The following SUCLG1 variants were observed in gnomAD, a reference collection of about 807,000 sequenced individuals.
SUCLG1 encodes succinate-CoA ligase GDP/ADP-forming subunit alpha.
Under a neutral mutation model 37.3 loss-of-function variants are expected in SUCLG1, and 26 were observed. The ratio of observed to expected loss-of-function variants is 0.70; its 90% CI spans 0.51 to 0.97. The LOEUF is 0.97. Among genes scored for constraint, SUCLG1 ranks in the 50% least tolerant of loss-of-function variants. The probability of loss-of-function intolerance (pLI) is 0.00; values close to 1 mark genes in which losing one functional copy is unlikely to be tolerated. For missense variants in SUCLG1, 433 were observed against 432.9 expected (o/e 1.00, Z 0.00); for synonymous variants, 163 against 155.6 (o/e 1.05, Z -0.36).
At chr2:84,443,144 C>A in intron 3 of SUCLG1, 140 bp downstream of exon 3, 2 of 804,902 alleles carry the variant, frequency 2.5e-6, no homozygotes, top group Non-Finnish European at 4.4e-6. Flanking sequence ...GTTTTGATGG[C>A]AATTCAAATT....
chr2:84,428,378 A>C (rs1302128854), intron 7 of SUCLG1, among the ~76,000 whole-genome samples: 1 of 152,172 alleles, frequency 6.6e-6, no homozygotes, highest in Non-Finnish European at 1.5e-5. Flanking sequence ...CTGAACACAG[A>C]GGTTATATTT....
intron 2 of SUCLG1, among the ~76,000 whole-genome samples, chr2:84,446,696 A>AAAGGAAGG (rs1164637652): frequency 6.6e-6 from 1 of 152,160 alleles, no homozygotes; most frequent in African/African-American, 2.4e-5. Context: ...AACAACAAAA[A>AAAGGAAGG]AAGGAAGGAA....
chr2:84,448,197 ACAAAAAG>A (rs1382451771), intron 2 of SUCLG1, among the ~76,000 whole-genome samples: 1 of 151,538 alleles, frequency 6.6e-6, no homozygotes, highest in African/African-American at 2.4e-5. Context: ...AAAACAAAAA[ACAAAAAG>A]CAAAAGGACC....
At chr2:84,426,982 A>T (rs7571828) in intron 7 of SUCLG1, 8,111 of 153,714 alleles carry the variant, frequency 0.053, 471 homozygotes, top group African/African-American at 0.14. Context: ...AAATTAAAAC[A>T]AATTTTATAA....
intron 2 of SUCLG1, among the ~76,000 whole-genome samples, chr2:84,446,379 T>C (rs749827881): frequency 6.6e-5 from 10 of 152,186 alleles, no homozygotes; most frequent in Non-Finnish European, 1.2e-4. Context: ...ATTCAATAAA[T>C]AGCTGTTGAA....
chr2:84,444,859 A>C (rs1022839779), intron 2 of SUCLG1, among the ~76,000 whole-genome samples: 17 of 152,160 alleles, frequency 1.1e-4, no homozygotes, highest in Non-Finnish European at 2.4e-4. Flanking sequence ...TTTGCTTTTG[A>C]AAAAATATGG....
chr2:84,441,608 A>T, intron 3 of SUCLG1, 149 bp from the exon 4 acceptor site: 1 of 909,658 alleles, frequency 1.1e-6, no homozygotes, highest in Non-Finnish European at 1.7e-6. Context: ...AATTTGCTAC[A>T]CTGTCAGAGT....
intron 2 of SUCLG1, among the ~76,000 whole-genome samples, chr2:84,449,421 C>G (rs540460718): frequency 6.6e-5 from 10 of 152,120 alleles, no homozygotes; most frequent in Non-Finnish European, 1.3e-4. Flanking sequence ...AAACAATATA[C>G]TCCTAGTAAG....
At chr2:84,445,310 C>T (rs73942660) in intron 2 of SUCLG1, among the ~76,000 whole-genome samples, 1,723 of 152,234 alleles carry the variant, frequency 0.011, 31 homozygotes, top group African/African-American at 0.038. Context: ...CCTGACTTCC[C>T]GCAACACCTT....
At position 84,423,790 on chromosome 2, in the gene SUCLG1, A is replaced by T. The variant is rs961127893; in HGVS notation, c.1015-18T>A. On this transcript the variant is annotated intron_variant, in intron 8 of 8. Coordinates refer to ENST00000393868, the MANE Select transcript of SUCLG1 (RefSeq NM_003849.4). The stretch of plus-strand genomic sequence containing the variant: ...TCAAATTCCTTCAGAAACAGAAGAG[A>T]GAGAGAAGAGAGATGGAATGAATAA... 94 of 1,602,362 alleles carry T rather than the reference A, an allele frequency of 5.9e-5. No individual in the cohort carries two copies. The highest frequency in any genetic ancestry group is 7.7e-5 in the Non-Finnish European group (90 of 1,174,098).
chr2:84,436,037 G>A (rs1573366789), intron 5 of SUCLG1, among the ~76,000 whole-genome samples: 1 of 152,190 alleles, frequency 6.6e-6, no homozygotes, highest in Admixed American at 6.5e-5. Context: ...AGTTCTTGCA[G>A]TACAATTCCA....
chr2:84,456,396 G>A lies in SUCLG1; in HGVS notation c.97+2777C>T, dbSNP rs562848894. ...TCTGCCGTACAAAGGTATGGGACCA[G>A]TTGGGTTTTAAGGTTTACTTTCTGG... On this transcript the variant is annotated intron_variant, in intron 1 of 8. Transcript: ENST00000393868. Among the ~76,000 whole-genome samples, 3 of 152,318 alleles carry A rather than the reference G, an allele frequency of 2.0e-5. No individual in the cohort carries two copies. In the East Asian group the frequency reaches 5.8e-4, roughly 29 times the overall value.
Position 84,449,074 on chromosome 2 carries a change from G to C in SUCLG1, c.201+575C>G, listed in dbSNP as rs1672895225. ...ATGAAAAGAACAGGAAAGAGTATGA[G>C]AGAATGAATATAAATAAATGACAAC... On this transcript the variant is annotated intron_variant, in intron 2 of 8. Coordinates refer to ENST00000393868, the MANE Select transcript of SUCLG1 (RefSeq NM_003849.4). The C allele has an allele frequency of 2.3e-5, 5 of 213,328 alleles. 1 individual carries two copies. The highest frequency in any genetic ancestry group is 2.2e-4 in the South Asian group (3 of 13,680). The allele number at this position is 213,328 out of a possible 1,614,324, so 13.2% of individuals were successfully genotyped here.
chr2:84,456,611 C>A (rs72937154), intron 1 of SUCLG1, among the ~76,000 whole-genome samples: 8,118 of 152,010 alleles, frequency 0.053, 482 homozygotes, highest in African/African-American at 0.14. Context: ...CATGGAAGAA[C>A]TCTTCCTCAT....
chr2:84,452,429 A>G (rs1316556700), intron 1 of SUCLG1, among the ~76,000 whole-genome samples: 2 of 152,226 alleles, frequency 1.3e-5, no homozygotes, highest in Non-Finnish European at 2.9e-5. Context: ...TTTCACTTAC[A>G]TTGATCCATA....
intron 5 of SUCLG1, among the ~76,000 whole-genome samples, chr2:84,437,258 T>G (rs986994414): frequency 4.6e-5 from 7 of 151,988 alleles, no homozygotes; most frequent in Non-Finnish European, 8.8e-5. Flanking sequence ...TAAATAAATA[T>G]GAAAAAGTAA....
chr2:84,425,641 A>T (rs371116279), intron 7 of SUCLG1, 38 bp from the exon 8 acceptor site: 1 of 1,611,464 alleles, frequency 6.2e-7, no homozygotes. Context: ...TCTAATGAAG[A>T]AGTCAATCAA....
At chr2:84,455,494 C>CAAAAAAAAA (rs5832611) in intron 1 of SUCLG1, among the ~76,000 whole-genome samples, 1 of 151,198 alleles carries the variant, frequency 6.6e-6, no homozygotes, top group African/African-American at 2.4e-5. Flanking sequence ...AACTCTGTCT[C>CAAAAAAAAA]AAAAAAAACA....
chr2:84,447,941 A>G (rs1672874392), intron 2 of SUCLG1, among the ~76,000 whole-genome samples: 1 of 152,060 alleles, frequency 6.6e-6, no homozygotes, highest in Non-Finnish European at 1.5e-5. Context: ...CATGTTGCCC[A>G]GGCTGGTCTC....
Sources: gnomAD v4.1 joint callset for allele counts (sites outside exome capture counted in the v4.1 genomes callset) on GRCh38, gnomAD v4.1.1 for gene constraint, MANE v1.5 for transcripts, NCBI Gene and HGNC (gene_info 2026-07-23, HGNC 2026-07-21) for gene names.